Variants in EFCAB6 observed in about 807,000 individuals in gnomAD.
EFCAB6 encodes EF-hand calcium binding domain 6, also known as EF-hand calcium-binding domain-containing protein 6.
Under a neutral mutation model 169.8 loss-of-function variants are expected in EFCAB6, and 156 were observed. The ratio of observed to expected loss-of-function variants is 0.92; its 90% confidence interval spans 0.81 to 1.05. The LOEUF (loss-of-function observed/expected upper bound fraction) is 1.05, where lower values mean the gene tolerates loss of function less well. Ranked by LOEUF, EFCAB6 falls within the 50% of genes least tolerant of loss-of-function variation. The pLI is 0.00. For synonymous variants in EFCAB6, 698 were observed against 676.4 expected (o/e 1.03, Z -0.50); for missense variants, 1,800 against 1,829.1 (o/e 0.98, Z 0.29).
chr22:43,717,432 G>A (rs1296107160), intron 8 of EFCAB6, among the ~76,000 whole-genome samples: 1 of 149,344 alleles, frequency 6.7e-6, no homozygotes, highest in Non-Finnish European at 1.5e-5. Flanking sequence ...AAGAACTATT[G>A]TTAATATACA....
At position 43,553,829 on chromosome 22, in the gene EFCAB6, C is replaced by T. The variant is rs1041504608; in HGVS notation, c.3648+1040G>A. ...GAGCCACAGAAGAGCTCAGTCCAGT[C>T]CTTAGGGGAGGAGGCTGGGAAGAAC... On this transcript the variant is annotated intron_variant, in intron 27 of 31. Transcript: ENST00000262726. The T allele has an allele frequency of 6.5e-5, 10 of 152,774 alleles. No homozygotes were observed. In the East Asian group the frequency reaches 1.9e-3, roughly 29 times the overall value. The allele number at this position is 152,774 out of a possible 1,614,324, so 9.5% of individuals were successfully genotyped here. A position where few individuals can be genotyped will look rare whatever the true frequency, so the allele number is the denominator to read the frequency against.
At chr22:43,530,786 A>C (rs1329522750) in intron 31 of EFCAB6, 29 bp downstream of exon 31, 1 of 1,611,320 alleles carries the variant, frequency 6.2e-7, no homozygotes, top group Non-Finnish European at 8.5e-7. Flanking sequence ...TGCTCCCTGC[A>C]GAGGCACTGG....
chr22:43,600,942 C>T (rs1026865718), intron 22 of EFCAB6, among the ~76,000 whole-genome samples: 2 of 152,132 alleles, frequency 1.3e-5, no homozygotes, highest in African/African-American at 2.4e-5. Context: ...GGATTACAGG[C>T]GTGAGCTGCC....
At position 43,576,383 on chromosome 22, in the gene EFCAB6, A is replaced by G. The variant is rs780517231; in HGVS notation, c.3334T>C (p.Tyr1112His). 4 of 1,602,844 alleles carry G rather than the reference A, an allele frequency of 2.5e-6. No homozygotes were observed. In the Admixed American group the frequency reaches 5.3e-5, roughly 21 times the overall value. ...TGAATTCTTAGTTTCCTCAAAAAAT[A>G]ATGATACTGATTGTCCGTTAGTTTG... ...CYKLTDNQYH[Y>H]FLRKLRIHLT... The change falls in exon 26 of 32, where the codon TAT becomes CAT. Residue 1112 changes from tyrosine to histidine, a missense_variant. Transcript: ENST00000262726.
Position 43,540,234 on chromosome 22 carries a change from C to G in EFCAB6, c.3772G>C (p.Ala1258Pro). The G allele has an allele frequency of 6.2e-7, 1 of 1,614,240 alleles. No individual in the cohort carries two copies. Among genetic ancestry groups the G allele is most frequent in the Middle Eastern group, 1.6e-4 (1 of 6,062 alleles). The change falls in exon 28 of 32, where the codon GCC (alanine) becomes CCC (proline). Residue 1258 changes from alanine (A) to proline (P), a missense_variant. Transcript: ENST00000262726. ...TCAGGGACACTGCTCCCTCTCTGGG[C>G]CACGGCCGAGTCACCAGTGGCCATT... ...TPMATGDSAV[A>P]QRGSSVPDVS...
chr22:43,790,673 G>T (rs952754298), intron 2 of EFCAB6, among the ~76,000 whole-genome samples: 1 of 152,196 alleles, frequency 6.6e-6, no homozygotes, highest in Non-Finnish European at 1.5e-5. Flanking sequence ...AAACCTCTAG[G>T]GGGTTAGTGC....
chr22:43,531,031 T>TCGCCTCGCCCC (rs907582700), intron 30 of EFCAB6, 67 bp from the exon 31 acceptor site: 476 of 1,595,978 alleles, frequency 3.0e-4, no homozygotes, highest in Non-Finnish European at 3.7e-4. Context: ...GGGCTCCTCC[T>TCGCCTCGCCCC]CGCCTCGCCC....
intron 22 of EFCAB6, among the ~76,000 whole-genome samples, chr22:43,604,587 G>A (rs900546461): frequency 1.3e-5 from 2 of 152,006 alleles, no homozygotes; most frequent in African/African-American, 4.8e-5. Context: ...TTCCCATCTT[G>A]AGGCTCCCTG....
rs368968746 is a variant in EFCAB6 at position 43,531,154 on chromosome 22, A to G, written c.4234-190T>C. ...AAAGATGCGCACCCGCCCCCTGACC[A>G]TTGTGTGGGCTGTTTAAAAACGTGT... is the stretch of plus-strand genomic sequence containing the variant. On this transcript the variant is annotated intron_variant, in intron 30 of 31. Transcript: ENST00000262726. Among the ~76,000 whole-genome samples the G allele has an allele frequency of 4.9e-3, 750 of 152,250 alleles. 2 individuals carry two copies. Among genetic ancestry groups the G allele is most frequent in the African/African-American group, 0.015 (632 of 41,554 alleles).
Position 43,735,984 on chromosome 22 carries a change from T to G in EFCAB6, c.517A>C (p.Asn173His). 3 of 1,610,698 alleles carry G rather than the reference T, an allele frequency of 1.9e-6. No individual in the cohort carries two copies. The highest frequency in any genetic ancestry group is 2.5e-6 in the Non-Finnish European group (3 of 1,179,064). ...AAGGCTTTCATAACAGTCTTAATGT[T>G]TTTGAAAACCTATGTACAAAAAGTG... ...EIQVGEKVFK[N>H]IKTVMKAFEL... The change falls in exon 7 of 32, where the codon AAC (asparagine) becomes CAC (histidine). Residue 173 changes from asparagine (N) to histidine (H), a missense_variant. Physicochemically the swap from Asn to His is moderately conservative, Grantham distance 68. Transcript: ENST00000262726.
rs146118090 is a variant in EFCAB6, at chr22:43,626,571, C to G, written c.2341G>C (p.Glu781Gln). The G allele has an allele frequency of 1.2e-6, 2 of 1,614,172 alleles. No individual in the cohort carries two copies. The highest frequency in any genetic ancestry group is 8.5e-7 in the Non-Finnish European group (1 of 1,180,042). ...LHLLLNLKDD[E>Q]FERFLGLLGL... ...AGAAGGCCAAGGAAGCGCTCAAACT[C>G]GTCGTCTTTGAGATTAAGCAGTAGA... Residue 781 changes from glutamate (E) to glutamine (Q), a missense_variant, in exon 20 of 32, where the codon GAG becomes CAG. By Grantham distance (29) the Glu-to-Gln change is conservative (BLOSUM62 2). Coordinates refer to ENST00000262726, the MANE Select transcript of EFCAB6 (RefSeq NM_022785.4).
At chr22:43,652,276 A>G (rs971211105) in intron 17 of EFCAB6, among the ~76,000 whole-genome samples, 1 of 152,110 alleles carries the variant, frequency 6.6e-6, no homozygotes, top group South Asian at 2.1e-4. Context: ...GATGGTTTTA[A>G]AAGGAGGCAT....
intron 6 of EFCAB6, among the ~76,000 whole-genome samples, chr22:43,738,195 T>C (rs1359056086): frequency 6.8e-6 from 1 of 147,886 alleles, no homozygotes; most frequent in Non-Finnish European, 1.5e-5. Context: ...CACCTGCATA[T>C]ACTCAAACTC....
At chr22:43,790,784 G>T (rs1227455664) in intron 2 of EFCAB6, among the ~76,000 whole-genome samples, 1 of 152,206 alleles carries the variant, frequency 6.6e-6, no homozygotes, top group Non-Finnish European at 1.5e-5. Flanking sequence ...GAAGTCTTCT[G>T]CAATAATCCG....
chr22:43,635,255 T>C, intron 17 of EFCAB6, 39 bp from the exon 18 acceptor site: 1 of 1,479,404 alleles, frequency 6.8e-7, no homozygotes, highest in Non-Finnish European at 9.5e-7. Flanking sequence ...AGGCGTTAGG[T>C]GGTCCGCGGG....
chr22:43,537,108 C>A lies in EFCAB6; in HGVS notation c.4048+269G>T. On this transcript the variant is annotated intron_variant, in intron 29 of 31. Transcript: ENST00000262726. The surrounding 1 kb of genome is among the most constrained non-coding windows in gnomAD (Gnocchi z 4.3). ...AACATTCACACTCTGCCCAGGGTGG[C>A]AACCACTGTGATTTCTAAAGCTCAG... 1 of 341,726 alleles carries A rather than the reference C, an allele frequency of 2.9e-6. No homozygotes were observed. The highest frequency in any genetic ancestry group is 5.3e-6 in the Non-Finnish European group (1 of 187,104). The allele number at this position is 341,726 out of a possible 1,614,324, so 21.2% of individuals were successfully genotyped here.
intron 24 of EFCAB6, among the ~76,000 whole-genome samples, chr22:43,589,742 C>T (rs531984887): frequency 5.9e-5 from 9 of 152,196 alleles, no homozygotes; most frequent in East Asian, 3.9e-4. Flanking sequence ...GAGCTGAGAT[C>T]GCACCACTGC....
chr22:43,731,149 C>T (rs751056660), intron 8 of EFCAB6, among the ~76,000 whole-genome samples: 4 of 152,092 alleles, frequency 2.6e-5, no homozygotes, highest in East Asian at 1.9e-4. Context: ...CCCAGCAGGC[C>T]GACAACCCTG....
chr22:43,535,717 A>C (rs1261345891), intron 29 of EFCAB6: 1 of 152,244 alleles, frequency 6.6e-6, no homozygotes, highest in East Asian at 1.9e-4. Context: ...GAAAGAACAG[A>C]ATGTCAGGGA....
Sources: allele counts gnomAD v4.1 joint callset (sites outside exome capture counted in the v4.1 genomes callset), GRCh38; gene constraint gnomAD v4.1.1; non-coding constraint Gnocchi (gnomAD v3.1); transcripts MANE v1.5; gene names NCBI Gene and HGNC (gene_info 2026-07-23, HGNC 2026-07-21).